Variants in DRC11 observed in about 807,000 individuals in gnomAD.
DRC11 encodes dynein regulatory complex subunit 11.
the DRC11 span, among the ~76,000 whole-genome samples, chr2:236,502,548 C>CAAAAAAAAAAAAAAAAAAAAAAAAAAAAA: frequency 1.3e-4 from 2 of 15,092 alleles, no homozygotes; most frequent in African/African-American, 2.8e-4. Flanking sequence ...TGCACTCCAG[C>CAAAAAAAAAAAAAAAAAAAAAAAAAAAAA]AAAAAAAAAA....
the DRC11 span, among the ~76,000 whole-genome samples, chr2:236,335,090 C>T: frequency 0.05 from 7,612 of 152,194 alleles, 599 homozygotes; most frequent in African/African-American, 0.17. The surrounding 1 kb of genome is among the most constrained non-coding windows in gnomAD (Gnocchi z 5.6). Context: ...TTTTCAGCAC[C>T]GTCTGTCCCC....
the DRC11 span, among the ~76,000 whole-genome samples, chr2:236,359,516 T>C: frequency 6.6e-6 from 1 of 152,158 alleles, no homozygotes; most frequent in African/African-American, 2.4e-5. The surrounding 1 kb of genome is among the most constrained non-coding windows in gnomAD (Gnocchi z 4.3). Flanking sequence ...CGAGATTAAC[T>C]TGGTAACAGG....
the DRC11 span, among the ~76,000 whole-genome samples, chr2:236,355,609 C>T: frequency 1.4e-3 from 209 of 152,274 alleles, 1 homozygote; most frequent in Middle Eastern, 3.4e-3. Flanking sequence ...TCTTTCCTCT[C>T]CCCCTCCTTT....
At chr2:236,469,644 T>G in the DRC11 span, among the ~76,000 whole-genome samples, 1 of 152,194 alleles carries the variant, frequency 6.6e-6, no homozygotes, top group African/African-American at 2.4e-5. This position sits in a 1 kb window ranked among gnomAD's most constrained non-coding sequence, Gnocchi z 5.8. Flanking sequence ...CTGACAAAAA[T>G]ACATTTGGGT....
chr2:236,431,875 T>A, the DRC11 span, among the ~76,000 whole-genome samples: 1 of 152,226 alleles, frequency 6.6e-6, no homozygotes, highest in Non-Finnish European at 1.5e-5. This position sits in a 1 kb window ranked among gnomAD's most constrained non-coding sequence, Gnocchi z 4.2. Flanking sequence ...CAATTATGAG[T>A]AATGCTGCTA....
chr2:236,442,844 T>C, the DRC11 span, among the ~76,000 whole-genome samples: 2 of 152,350 alleles, frequency 1.3e-5, no homozygotes, highest in East Asian at 3.9e-4. Context: ...TGGCAACAAC[T>C]GTTGTTGACG....
At chr2:236,337,334 C>G in the DRC11 span, among the ~76,000 whole-genome samples, 418 of 152,272 alleles carry the variant, frequency 2.7e-3, 2 homozygotes, top group Middle Eastern at 0.051. This position sits in a 1 kb window ranked among gnomAD's most constrained non-coding sequence, Gnocchi z 4.9. Flanking sequence ...CTTCCCCTGC[C>G]GTTCACCACC....
chr2:236,339,289 G>A, the DRC11 span, among the ~76,000 whole-genome samples: 26 of 152,250 alleles, frequency 1.7e-4, no homozygotes, highest in South Asian at 5.0e-3. Context: ...AGTTGTAAGG[G>A]TTCTTTGTAG....
chr2:236,358,857 G>A, the DRC11 span, among the ~76,000 whole-genome samples: 6 of 148,774 alleles, frequency 4.0e-5, no homozygotes, highest in Non-Finnish European at 7.4e-5. Flanking sequence ...CCCCCAGCTG[G>A]CCTCTGGGGA....
At chr2:236,437,974 T>C in the DRC11 span, among the ~76,000 whole-genome samples, 14 of 139,138 alleles carry the variant, frequency 1.0e-4, no homozygotes, top group East Asian at 2.9e-3. Flanking sequence ...ATTTTGGCTT[T>C]GGTTGCCATT....
At chr2:236,383,030 A>C in the DRC11 span, among the ~76,000 whole-genome samples, 6 of 152,180 alleles carry the variant, frequency 3.9e-5, no homozygotes, top group African/African-American at 1.4e-4. Context: ...ATTATCAATA[A>C]AAACCCGAAG....
At chr2:236,420,084 G>A in the DRC11 span, among the ~76,000 whole-genome samples, 2 of 152,154 alleles carry the variant, frequency 1.3e-5, no homozygotes, top group Non-Finnish European at 2.9e-5. The surrounding 1 kb of genome is among the most constrained non-coding windows in gnomAD (Gnocchi z 4.8). Context: ...CAGCATCTCC[G>A]TACATAGCAC....
At chr2:236,325,321 A>G in the DRC11 span, among the ~76,000 whole-genome samples, 4 of 152,352 alleles carry the variant, frequency 2.6e-5, no homozygotes, top group East Asian at 7.7e-4. This position sits in a 1 kb window ranked among gnomAD's most constrained non-coding sequence, Gnocchi z 4.4. Context: ...TAAACTTTAT[A>G]GTAGCAATAT....
At chr2:236,377,690 T>C in the DRC11 span, among the ~76,000 whole-genome samples, 4 of 152,216 alleles carry the variant, frequency 2.6e-5, no homozygotes, top group African/African-American at 9.6e-5. This position sits in a 1 kb window ranked among gnomAD's most constrained non-coding sequence, Gnocchi z 4.9. Context: ...ATATGGAAGA[T>C]AAAACGTCTA....
chr2:236,396,299 G>A, the DRC11 span, among the ~76,000 whole-genome samples: 13 of 81,978 alleles, frequency 1.6e-4, no homozygotes, highest in Non-Finnish European at 3.1e-4. Flanking sequence ...AATGAAAGAG[G>A]GGCGGGGGGG....
At chr2:236,482,578 C>T in the DRC11 span, among the ~76,000 whole-genome samples, 1 of 152,152 alleles carries the variant, frequency 6.6e-6, no homozygotes, top group African/African-American at 2.4e-5. This position sits in a 1 kb window ranked among gnomAD's most constrained non-coding sequence, Gnocchi z 4.5. Context: ...GCTAATAAGA[C>T]AGACACCACT....
At chr2:236,405,573 C>T in the DRC11 span, among the ~76,000 whole-genome samples, 1 of 152,048 alleles carries the variant, frequency 6.6e-6, no homozygotes, top group African/African-American at 2.4e-5. The surrounding 1 kb of genome is among the most constrained non-coding windows in gnomAD (Gnocchi z 4.6). Context: ...GTTGCTTTCT[C>T]ATCGGCCTCT....
At chr2:236,312,557 A>G in the DRC11 span, among the ~76,000 whole-genome samples, 1 of 152,224 alleles carries the variant, frequency 6.6e-6, no homozygotes, top group Non-Finnish European at 1.5e-5. Flanking sequence ...AACAGGAGAT[A>G]GATTTTCAGA....
chr2:236,499,700 G>A, the DRC11 span, among the ~76,000 whole-genome samples: 1 of 152,182 alleles, frequency 6.6e-6, no homozygotes, highest in Non-Finnish European at 1.5e-5. The surrounding 1 kb of genome is among the most constrained non-coding windows in gnomAD (Gnocchi z 4.7). Flanking sequence ...AAAGTGTTGG[G>A]ATTACAGACG....
Sources: gnomAD v4.1 joint callset for allele counts (sites outside exome capture counted in the v4.1 genomes callset) on GRCh38, gnomAD v4.1.1 for gene constraint, Gnocchi (gnomAD v3.1) non-coding constraint, MANE v1.5 for transcripts, NCBI Gene and HGNC (gene_info 2026-07-23, HGNC 2026-07-21) for gene names.